The following USP35 variants were observed in gnomAD, a reference collection of about 807,000 sequenced individuals.
USP35 encodes the protein ubiquitin specific peptidase 35.
In USP35, 69 loss-of-function variants were observed where a neutral mutation model predicts 83.8. The observed-to-expected ratio is 0.82, with a 90% CI of 0.68 to 1.01. The LOEUF is 1.01. Ranked by LOEUF, USP35 falls within the 50% of genes least tolerant of loss-of-function variation. The pLI is 0.00. For missense variants in USP35, 1,503 were observed against 1,362.5 expected, an observed-to-expected ratio of 1.10 and a Z score of -1.62; for synonymous variants, 714 against 589.5, an observed-to-expected ratio of 1.21 and a Z score of -3.06.
chr11:78,211,748 C>G (rs1863786143), intron 10 of USP35, among the ~76,000 whole-genome samples: 1 of 152,202 alleles, frequency 6.6e-6, no homozygotes, highest in African/African-American at 2.4e-5. Flanking sequence ...GAATGAATGT[C>G]TTTTGAGAAG....
rs893443955 is a variant in USP35 at position 78,213,994 on chromosome 11, A to C, written c.*181A>C. The stretch of plus-strand genomic sequence containing the variant: ...TGGAAGTAAGACCTAAGTCCCTTTC[A>C]TTGGGGATCAGTCCCATTAAAACTT... On this transcript the variant is annotated 3_prime_UTR_variant, in exon 11 of 11. Transcript: ENST00000529308. 7 of 633,682 alleles carry C rather than the reference A, an allele frequency of 1.1e-5. No individual in the cohort carries two copies. The South Asian group carries it at 1.6e-4, about 15-fold the overall frequency. The allele number at this position is 633,682 out of a possible 1,614,324, so 39.3% of individuals were successfully genotyped here.
chr11:78,225,179 A>T, the USP35 span: 1 of 1,611,584 alleles, frequency 6.2e-7, no homozygotes, highest in African/African-American at 1.3e-5. Context: ...CGCTGTGGGT[A>T]CTCGTAGGTC....
At chr11:78,221,851 G>GC in the USP35 span, 17 of 1,068,504 alleles carry the variant, frequency 1.6e-5, no homozygotes, top group Non-Finnish European at 2.1e-5. Context: ...CTCCAGCTGG[G>GC]CCCTGACCCT....
intron 6 of USP35, among the ~76,000 whole-genome samples, chr11:78,204,294 T>G (rs188952592): frequency 1.8e-3 from 273 of 152,326 alleles, no homozygotes; most frequent in African/African-American, 6.2e-3. Context: ...ATTATAGGAT[T>G]TTACTGCTTA....
intron 1 of USP35, among the ~76,000 whole-genome samples, chr11:78,191,026 A>T (rs1318823122): frequency 6.6e-6 from 1 of 152,178 alleles, no homozygotes; most frequent in Non-Finnish European, 1.5e-5. Context: ...GAGCAGGGGC[A>T]TGGACGGAAT....
At chr11:78,230,906 C>T in the USP35 span, among the ~76,000 whole-genome samples, 1 of 152,184 alleles carries the variant, frequency 6.6e-6, no homozygotes, top group Non-Finnish European at 1.5e-5. Flanking sequence ...TTAACTGAGG[C>T]CTGTGTCACT....
Position 78,213,497 on chromosome 11 carries a change from C to T in USP35, c.2890-149C>T, listed in dbSNP as rs374550568. The T allele has an allele frequency of 1.8e-4, 161 of 917,268 alleles. 1 individual carries two copies. Among genetic ancestry groups the T allele is most frequent in the African/African-American group, 5.9e-4 (34 of 57,676 alleles). 56.8% of individuals were successfully genotyped at this position (917,268 alleles called of 1,614,324 possible). On this transcript the variant is annotated intron_variant, in intron 10 of 10. Coordinates refer to ENST00000529308, the MANE Select transcript of USP35 (RefSeq NM_020798.4). Reference sequence around the variant, plus strand: ...TGAAGTCTTTTGAAGGTGTCCACCCCGGATATCCTGCCACTGAGCTGCAAT... The same window carrying T: ...TGAAGTCTTTTGAAGGTGTCCACCCTGGATATCCTGCCACTGAGCTGCAAT...
chr11:78,198,722 A>T (rs1215411449), intron 3 of USP35: 1 of 984,480 alleles, frequency 1.0e-6, no homozygotes, highest in African/African-American at 1.7e-5. Context: ...TCTCGAGGTA[A>T]GTTGCTAGAG....
chr11:78,197,102 C>T (rs1172942588), intron 2 of USP35, among the ~76,000 whole-genome samples, 184 bp downstream of exon 2: 1 of 152,158 alleles, frequency 6.6e-6, no homozygotes, highest in Non-Finnish European at 1.5e-5. Flanking sequence ...GTCTAGAGCA[C>T]CTGCTGTGGG....
At chr11:78,207,731 C>A in intron 8 of USP35, 108 bp downstream of exon 8, 2 of 1,152,104 alleles carry the variant, frequency 1.7e-6, no homozygotes, top group Non-Finnish European at 2.5e-6. Context: ...TGTCATCTCC[C>A]ATGTCAGTTG....
At position 78,196,776 on chromosome 11, in the gene USP35, C is replaced by T. The variant is rs777097838; in HGVS notation, c.531C>T (p.Cys177=). The T allele has an allele frequency of 7.2e-6, 11 of 1,533,410 alleles. No individual in the cohort carries two copies. In the South Asian group the frequency reaches 9.6e-5, roughly 13 times the overall value. 95.0% of individuals were successfully genotyped at this position (1,533,410 alleles called of 1,614,324 possible). ...TGCGTTGCCTCGGCCGCTTCCGCTG[C>T]CCAGCCGAAGGCGAGGAGGGCGCCG... The part of the protein sequence containing the change: ...QLVRCLGRFR[C]PAEGEEGAVE... The change falls in exon 2 of 11, where the codon TGC becomes TGT. Residue 177 remains cysteine (C), a synonymous_variant. Coordinates refer to ENST00000529308, the MANE Select transcript of USP35 (RefSeq NM_020798.4). This position sits in a 1 kb window ranked among gnomAD's most constrained non-coding sequence, Gnocchi z 4.8.
rs1393531675 is a variant in USP35 at position 78,196,905 on chromosome 11, C to T, written c.660C>T (p.Val220=). ...CCTGCCTCAAAGAGCTGTTCGCAGT[C>T]ATCTCCTGCGCAGGTGCGTGTGCGG... ...ILPCLKELFA[V]ISCAEEEPPS... Residue 220 remains valine, a synonymous_variant, in exon 2 of 11, where the codon GTC becomes GTT. Transcript: ENST00000529308. The surrounding 1 kb of genome is among the most constrained non-coding windows in gnomAD (Gnocchi z 4.8). The T allele has an allele frequency of 6.1e-6, 9 of 1,469,630 alleles. No homozygotes were observed. The highest frequency in any genetic ancestry group is 2.4e-5 in the Admixed American group (1 of 42,508). The allele number at this position is 1,469,630 out of a possible 1,614,324, so 91.0% of individuals were successfully genotyped here. A position where few individuals can be genotyped will look rare whatever the true frequency, so the allele number is the denominator to read the frequency against.
At chr11:78,231,957 A>C in the USP35 span, 6 of 152,206 alleles carry the variant, frequency 3.9e-5, no homozygotes, top group Non-Finnish European at 7.3e-5. Context: ...ACCCATTCCA[A>C]ATGGATCCTT....
the USP35 span, among the ~76,000 whole-genome samples, chr11:78,233,207 T>G: frequency 6.6e-6 from 1 of 152,092 alleles, no homozygotes; most frequent in Admixed American, 6.5e-5. Context: ...GCCTGGCTAA[T>G]TGTTTTTGGT....
At chr11:78,212,834 C>T (rs1237809569) in intron 10 of USP35, among the ~76,000 whole-genome samples, 1 of 151,920 alleles carries the variant, frequency 6.6e-6, no homozygotes, top group Non-Finnish European at 1.5e-5. Context: ...TAGAAAACCC[C>T]ATTAATGCAG....
At chr11:78,207,680 A>G (rs1863574958) in intron 8 of USP35, 57 bp downstream of exon 8, 3 of 1,540,202 alleles carry the variant, frequency 1.9e-6, no homozygotes, top group Non-Finnish European at 2.7e-6. Flanking sequence ...AGGCCCCGAC[A>G]TGGACACCTT....
chr11:78,220,766 G>A, the USP35 span, among the ~76,000 whole-genome samples: 5 of 152,188 alleles, frequency 3.3e-5, no homozygotes, highest in African/African-American at 1.2e-4. Context: ...GCTAACCCCT[G>A]TACCACACTG....
downstream of USP35, chr11:78,215,631 C>G (rs546041004): frequency 6.6e-6 from 1 of 152,418 alleles, no homozygotes; most frequent in East Asian, 1.9e-4. Flanking sequence ...TTCTAGATTT[C>G]AAGACACAAG....
Position 78,205,891 on chromosome 11 carries a change from A to T in USP35, c.1247A>T (p.Asp416Val), listed in dbSNP as rs919877348. The change falls in exon 7 of 11, where the codon GAT (aspartate) becomes GTT (valine). Residue 416 changes from aspartate (D) to valine (V), a missense_variant. Physicochemically the swap from Asp to Val is radical, Grantham distance 152. Transcript: ENST00000529308. ...CGCATCAAGCAGCTGCTGGGGCAGG[A>T]TGCCTGGACTTCGCAGAAGAGCGAG... ...EDRIKQLLGQ[D>V]AWTSQKSELA... 1.2e-6 allele frequency: 2 copies of T among 1,614,114 alleles called. No individual in the cohort carries two copies. Among genetic ancestry groups the T allele is most frequent in the African/African-American group, 2.7e-5 (2 of 74,956 alleles).
Sources: allele counts gnomAD v4.1 joint callset (sites outside exome capture counted in the v4.1 genomes callset), GRCh38; gene constraint gnomAD v4.1.1; non-coding constraint Gnocchi (gnomAD v3.1); transcripts MANE v1.5; gene names NCBI Gene and HGNC (gene_info 2026-07-23, HGNC 2026-07-21).